COL21A1: variants seen among roughly 807,000 people sequenced by gnomAD.
COL21A1 encodes collagen type XXI alpha 1 chain, also known as collagen alpha-1(XXI) chain.
A neutral mutation model predicts 137.9 loss-of-function variants in COL21A1; 149 were observed. The ratio of observed to expected loss-of-function variants is 1.08; its 90% confidence interval spans 0.95 to 1.24. COL21A1 has a LOEUF of 1.24. Among genes scored for constraint, COL21A1 ranks in the 50% most tolerant of loss-of-function variants. COL21A1 has a pLI of 0.00. For synonymous variants in COL21A1, 456 were observed against 391.5 expected, an observed-to-expected ratio of 1.16 and a Z score of -1.95; for missense variants, 1,167 against 1,158.4, an observed-to-expected ratio of 1.01 and a Z score of -0.11.
intron 19 of COL21A1, among the ~76,000 whole-genome samples, chr6:56,075,256 T>G (rs1044922690): frequency 1.3e-5 from 2 of 151,452 alleles, no homozygotes; most frequent in East Asian, 3.9e-4. Flanking sequence ...TCCCTGATGT[T>G]TTTTTGGGTG....
At chr6:56,172,019 A>G (rs62413553) in intron 3 of COL21A1, among the ~76,000 whole-genome samples, 13,335 of 151,098 alleles carry the variant, frequency 0.088, 698 homozygotes, top group African/African-American at 0.14. Context: ...AGCCTAAGAG[A>G]TTTAAGCAAC....
At chr6:56,090,466 G>C (rs914378720) in intron 17 of COL21A1, among the ~76,000 whole-genome samples, 2 of 152,158 alleles carry the variant, frequency 1.3e-5, no homozygotes, top group African/African-American at 4.8e-5. Context: ...GCCAACATTT[G>C]TGTGTGAGGT....
At chr6:56,345,240 A>G (rs1765569090) in intron 1 of COL21A1, among the ~76,000 whole-genome samples, 1 of 152,182 alleles carries the variant, frequency 6.6e-6, no homozygotes, top group South Asian at 2.1e-4. Flanking sequence ...GAGTAGAAAG[A>G]CACTCCCAAA....
chr6:56,150,561 C>A (rs1775237488), intron 10 of COL21A1, among the ~76,000 whole-genome samples: 1 of 119,718 alleles, frequency 8.4e-6, no homozygotes, highest in Admixed American at 7.9e-5. Context: ...CACACACACA[C>A]ACACAAGAGT....
chr6:56,095,804 A>G (rs571852478), intron 17 of COL21A1, among the ~76,000 whole-genome samples: 32 of 152,332 alleles, frequency 2.1e-4, no homozygotes, highest in Admixed American at 2.0e-3. Context: ...TGCATTTTAA[A>G]TAGGTGAACT....
At chr6:56,243,343 C>A (rs528100788) in intron 1 of COL21A1, among the ~76,000 whole-genome samples, 8 of 152,056 alleles carry the variant, frequency 5.3e-5, no homozygotes, top group Non-Finnish European at 8.8e-5. Context: ...CTCTGGCCAG[C>A]CACAGTAGTA....
chr6:56,089,881 T>C lies in COL21A1; in HGVS notation c.1812+11591A>G, dbSNP rs138215574. Among the ~76,000 whole-genome samples, 34 of 152,278 alleles carry C rather than the reference T, an allele frequency of 2.2e-4. No homozygotes were observed. In the East Asian group the frequency reaches 5.6e-3, roughly 25 times the overall value. On this transcript the variant is annotated intron_variant, in intron 17 of 29. Coordinates refer to ENST00000244728, the MANE Select transcript of COL21A1 (RefSeq NM_030820.4). ...CTCTTTCAAATTATAAAGAAATGGA[T>C]AGAAAAGAGAAAAAATCAAATAAAA...
chr6:56,102,249 T>A (rs184332934), intron 16 of COL21A1, among the ~76,000 whole-genome samples: 2 of 152,260 alleles, frequency 1.3e-5, no homozygotes, highest in East Asian at 3.9e-4. Flanking sequence ...ATGTATAATA[T>A]CTGCAGATTA....
intron 17 of COL21A1, 80 bp downstream of exon 17, chr6:56,101,392 G>T: frequency 9.3e-7 from 1 of 1,079,512 alleles, no homozygotes; most frequent in Non-Finnish European, 1.4e-6. Context: ...GCATCTGAGA[G>T]AAGAATTTAA....
intron 1 of COL21A1, among the ~76,000 whole-genome samples, chr6:56,266,182 C>T (rs144355054): frequency 2.6e-4 from 40 of 152,256 alleles, no homozygotes; most frequent in African/African-American, 8.2e-4. Flanking sequence ...TCATTCTTCC[C>T]ACCGAAAATC....
At chr6:56,142,891 T>C (rs1009366979) in intron 10 of COL21A1, among the ~76,000 whole-genome samples, 3 of 152,202 alleles carry the variant, frequency 2.0e-5, no homozygotes, top group African/African-American at 7.2e-5. Flanking sequence ...TCCAATTACA[T>C]CTTCATTCAT....
At chr6:56,077,883 C>T in intron 17 of COL21A1, 1 of 367,562 alleles carries the variant, frequency 2.7e-6, no homozygotes, top group Non-Finnish European at 5.2e-6. Flanking sequence ...CATTTGAACA[C>T]ATTCTTGTAT....
At chr6:56,358,184 A>G (rs1216686773) in intron 1 of COL21A1, among the ~76,000 whole-genome samples, 1 of 152,150 alleles carries the variant, frequency 6.6e-6, no homozygotes, top group African/African-American at 2.4e-5. Context: ...GTTTCAGGGA[A>G]TGCAATATAG....
rs1765131654 is a variant in COL21A1, at chr6:56,327,858, A to G, written c.-39+66113T>C. On this transcript the variant is annotated intron_variant, in intron 1 of 28. Transcript: ENST00000370819. ...ATGAAGAATAATGAGACAACCATCC[A>G]TAGAATGCCTGGCTAGGAAACCATC... 2.6e-5 allele frequency among the ~76,000 whole-genome samples: 4 copies of G among 152,118 alleles called. No individual in the cohort carries two copies. The South Asian group carries it at 8.3e-4, about 31-fold the overall frequency.
chr6:56,329,487 C>A (rs943768155), intron 1 of COL21A1, among the ~76,000 whole-genome samples: 1 of 151,974 alleles, frequency 6.6e-6, no homozygotes. Context: ...TATGTTGCTG[C>A]CTGGATAATG....
intron 1 of COL21A1, among the ~76,000 whole-genome samples, chr6:56,224,191 A>C (rs1781049702): frequency 6.6e-6 from 1 of 152,096 alleles, no homozygotes; most frequent in Non-Finnish European, 1.5e-5. Context: ...TAGGGGAAAA[A>C]GCAACCAATG....
intron 1 of COL21A1, among the ~76,000 whole-genome samples, chr6:56,388,010 C>A (rs537322702): frequency 5.2e-4 from 79 of 152,296 alleles, no homozygotes; most frequent in Non-Finnish European, 9.3e-4. Context: ...AGACTACCTC[C>A]ACTTGGGGAA....
intron 1 of COL21A1, among the ~76,000 whole-genome samples, chr6:56,191,822 C>T (rs1394202185): frequency 1.3e-5 from 2 of 150,214 alleles, no homozygotes; most frequent in Non-Finnish European, 3.0e-5. Context: ...CTGCCCATTG[C>T]TTTTCTTCAC....
rs536314249 is a variant in COL21A1 at position 56,306,122 on chromosome 6, T to C, written c.-39+87849A>G. Among the ~76,000 whole-genome samples, 14 of 98,440 alleles carry C rather than the reference T, an allele frequency of 1.4e-4. 1 individual carries two copies. The highest frequency in any genetic ancestry group is 3.9e-4 in the African/African-American group (13 of 33,550). 64.6% of individuals were successfully genotyped at this position (98,440 alleles called of 152,430 possible). A position where few individuals can be genotyped will look rare whatever the true frequency, so the allele number is the denominator to read the frequency against. ...TCAGCTGTTAGTCTGATGGGCTTCC[T>C]TTTGTGGGTAACCCAACCTTTCTCT... On this transcript the variant is annotated intron_variant, in intron 1 of 28. Transcript: ENST00000370819.
Sources: gnomAD v4.1 joint callset for allele counts (sites outside exome capture counted in the v4.1 genomes callset) on GRCh38, gnomAD v4.1.1 for gene constraint, MANE v1.5 for transcripts, NCBI Gene and HGNC (gene_info 2026-07-23, HGNC 2026-07-21) for gene names.